COCH: variants seen among roughly 807,000 people sequenced by gnomAD.
COCH encodes the protein cochlin, also known as coagulation factor C homolog, cochlin (Limulus polyphemus).
Under a neutral mutation model 54.8 loss-of-function variants are expected in COCH, and 40 were observed. The observed-to-expected ratio is 0.73, with a 90% confidence interval of 0.57 to 0.95. COCH has a LOEUF of 0.95. COCH is among the 40% of genes least tolerant of loss of function. COCH has a pLI of 0.00. For synonymous variants in COCH, 256 were observed against 237.9 expected, an observed-to-expected ratio of 1.08 and a Z score of -0.70; for missense variants, 605 against 675.0, an observed-to-expected ratio of 0.90 and a Z score of 1.15.
In COCH at chr14:30,886,145, T is replaced by G. The variant is rs779778621; in HGVS notation, c.1310T>G (p.Ile437Ser). Residue 437 changes from isoleucine to serine, a missense_variant, in exon 11 of 12, where the codon ATC becomes AGC. Transcript: ENST00000396618. ...AATGTCCTAGCTGTCATCAGAAACA[T>G]CCGCTATATGAGTGGTGGAACAGCT... ...KENVLAVIRNIRYMSGGTATG... is the reference protein window; with the variant it reads ...KENVLAVIRNSRYMSGGTATG... 73 of 1,612,484 alleles carry G rather than the reference T, an allele frequency of 4.5e-5. No individual in the cohort carries two copies. Among genetic ancestry groups the G allele is most frequent in the Non-Finnish European group, 5.9e-5 (69 of 1,178,664 alleles).
chr14:30,875,608 G>A, intron 3 of COCH: 1 of 355,302 alleles, frequency 2.8e-6, no homozygotes, highest in Non-Finnish European at 5.0e-6. Flanking sequence ...CCTATAATCA[G>A]AAGCACTCGC....
Position 30,889,531 on chromosome 14 carries a change from AAC to A in COCH, c.1478-83_1478-82del, listed in dbSNP as rs1895910398. Reference sequence around the variant, plus strand: ...TAAGCAGTTTTCGCTGCAACTATGTAACAGTGTATGGAAAACATATAGACATA... The same window carrying A: ...TAAGCAGTTTTCGCTGCAACTATGTAAGTGTATGGAAAACATATAGACATA... On this transcript the variant is annotated intron_variant, in intron 11 of 11. Coordinates refer to ENST00000396618, the MANE Select transcript of COCH (RefSeq NM_004086.3). 8 of 1,216,878 alleles carry A rather than the reference AAC, an allele frequency of 6.6e-6. No homozygotes were observed. The South Asian group carries it at 1.0e-4, about 15-fold the overall frequency. 75.4% of individuals were successfully genotyped at this position (1,216,878 alleles called of 1,614,324 possible).
intron 4 of COCH, 45 bp from the exon 5 acceptor site, chr14:30,878,766 T>C: frequency 6.2e-7 from 1 of 1,613,824 alleles, no homozygotes; most frequent in Non-Finnish European, 8.5e-7. Flanking sequence ...TGGGATGCCC[T>C]GAAAAAGTGT....
intron 6 of COCH, 35 bp downstream of exon 6, chr14:30,879,520 G>A (rs767413250): frequency 3.9e-5 from 62 of 1,604,208 alleles, no homozygotes; most frequent in Non-Finnish European, 5.2e-5. Flanking sequence ...TAGTTGCCCG[G>A]CACAGCATTT....
At chr14:30,893,134 AC>A (rs1350067940), downstream of COCH, among the ~76,000 whole-genome samples, 5 of 143,600 alleles carry the variant, frequency 3.5e-5, no homozygotes, top group African/African-American at 1.3e-4. Context: ...ACAATTACAA[AC>A]GGCAAAAACC....
intron 11 of COCH, 178 bp from the exon 12 acceptor site, chr14:30,889,438 T>C (rs758925380): frequency 2.3e-5 from 14 of 613,502 alleles, no homozygotes; most frequent in Non-Finnish European, 3.5e-5. Flanking sequence ...GACCACTCTT[T>C]TGCCACTCTC....
chr14:30,892,476 T>C (rs1896006453), downstream of COCH, among the ~76,000 whole-genome samples: 2 of 152,098 alleles, frequency 1.3e-5, no homozygotes, highest in African/African-American at 4.8e-5. Flanking sequence ...TAGTTGAATG[T>C]TCAGTTCAGA....
chr14:30,888,891 G>A (rs556731290), intron 11 of COCH, among the ~76,000 whole-genome samples: 1 of 151,928 alleles, frequency 6.6e-6, no homozygotes, highest in African/African-American at 2.4e-5. Flanking sequence ...TGTACTAAAA[G>A]CCTTCTAGTA....
At chr14:30,895,295 A>G, downstream of COCH, 1 of 1,042,334 alleles carries the variant, frequency 9.6e-7, no homozygotes, top group Non-Finnish European at 1.3e-6. Context: ...CCTGCCCCAG[A>G]TAGCCTTCAC....
Position 30,877,676 on chromosome 14 carries a change from G to A in COCH, c.187G>A (p.Gly63Arg). 6.2e-7 allele frequency: 1 copy of A among 1,614,212 alleles called. No individual in the cohort carries two copies. Among genetic ancestry groups the A allele is most frequent in the Non-Finnish European group, 8.5e-7 (1 of 1,180,036 alleles). Residue 63 changes from glycine (G) to arginine (R), a missense_variant, in exon 4 of 12, where the codon GGG becomes AGG. Gly to Arg is a moderately radical substitution (Grantham distance 125, BLOSUM62 -2). Coordinates refer to ENST00000396618, the MANE Select transcript of COCH (RefSeq NM_004086.3). The surrounding 1 kb of genome is among the most constrained non-coding windows in gnomAD (Gnocchi z 8.6). ...GCPLEEFSVYGNIVYASVSSI... is the reference protein window; with the variant it reads ...GCPLEEFSVYRNIVYASVSSI... ...CCCTCTTGAGGAATTCTCTGTGTAT[G>A]GGAACATAGTATATGCTTCTGTATC...
At chr14:30,882,120 G>GTTTTTTTTTTTTTTTTTTGTTTTTTTT (rs1895620276) in intron 8 of COCH, among the ~76,000 whole-genome samples, 1 of 67,890 alleles carries the variant, frequency 1.5e-5, no homozygotes, top group African/African-American at 6.6e-5. Flanking sequence ...CTATAAAATG[G>GTTTTTTTTTTTTTTTTTTGTTTTTTTT]TTTTTTTTTT....
At chr14:30,888,326 A>G (rs1895861998) in intron 11 of COCH, among the ~76,000 whole-genome samples, 1 of 152,000 alleles carries the variant, frequency 6.6e-6, no homozygotes, top group Non-Finnish European at 1.5e-5. Context: ...CTTTTACATC[A>G]TCTAAACCTG....
At chr14:30,881,802 C>G (rs944158450) in intron 8 of COCH, among the ~76,000 whole-genome samples, 6 of 144,682 alleles carry the variant, frequency 4.1e-5, no homozygotes, top group Non-Finnish European at 7.6e-5. Context: ...ACTAAAAATA[C>G]AAAAAAAAAA....
At chr14:30,879,579 T>C (rs1895496527) in intron 6 of COCH, 94 bp downstream of exon 6, 3 of 1,308,584 alleles carry the variant, frequency 2.3e-6, no homozygotes, top group Non-Finnish European at 2.2e-6. Context: ...CTTAAAGAAA[T>C]TTGATATTAA....
rs753416015 is a variant in COCH at position 30,884,666 on chromosome 14, CTT to C, written c.733+12_733+13del. 10 of 1,550,758 alleles carry C rather than the reference CTT, an allele frequency of 6.4e-6. No homozygotes were observed. Among genetic ancestry groups the C allele is most frequent in the Non-Finnish European group, 6.2e-6 (7 of 1,122,404 alleles). On this transcript the variant is annotated intron_variant, in intron 9 of 11. Transcript: ENST00000396618. ...GGTAATTCCAATACAGGTAAGTAGA[CTT>C]TGATACCTGGGATGTAACATAGGAG...
downstream of COCH, chr14:30,895,462 T>C (rs750248116): frequency 1.2e-6 from 2 of 1,614,006 alleles, no homozygotes; most frequent in South Asian, 2.2e-5. Flanking sequence ...CTATATATGC[T>C]TTTGACGAGT....
At chr14:30,880,114 G>A (rs946957925) in intron 6 of COCH, among the ~76,000 whole-genome samples, 39 of 152,280 alleles carry the variant, frequency 2.6e-4, no homozygotes, top group African/African-American at 9.4e-4. Context: ...TGTGTCTATT[G>A]TAAGAAATAG....
At chr14:30,876,749 T>C (rs2138832852) in intron 3 of COCH, among the ~76,000 whole-genome samples, 1 of 152,340 alleles carries the variant, frequency 6.6e-6, no homozygotes, top group East Asian at 1.9e-4. Context: ...ATTTACTATC[T>C]TTACCTCAAG....
downstream of COCH, among the ~76,000 whole-genome samples, chr14:30,892,368 T>C (rs773635277): frequency 1.3e-5 from 2 of 152,194 alleles, no homozygotes; most frequent in Non-Finnish European, 2.9e-5. Context: ...TGGGTTGGAA[T>C]AGGTGCTAGA....
Sources: gnomAD v4.1 joint callset for allele counts (sites outside exome capture counted in the v4.1 genomes callset) on GRCh38, gnomAD v4.1.1 for gene constraint, Gnocchi (gnomAD v3.1) non-coding constraint, MANE v1.5 for transcripts, NCBI Gene and HGNC (gene_info 2026-07-23, HGNC 2026-07-21) for gene names.